The following ABR variants were observed in gnomAD, a reference collection of about 807,000 sequenced individuals.
ABR encodes active breakpoint cluster region-related protein.
ABR carries 35 observed loss-of-function variants against 107.2 expected under a neutral mutation model. The ratio of observed to expected loss-of-function variants is 0.33; its 90% CI spans 0.25 to 0.43. The LOEUF (loss-of-function observed/expected upper bound fraction) is 0.43, where lower values mean the gene tolerates loss of function less well. Among genes scored for constraint, ABR ranks in the 20% least tolerant of loss-of-function variants. The probability of loss-of-function intolerance (pLI) is 1.00; values close to 1 mark genes in which losing one functional copy is unlikely to be tolerated. For missense variants in ABR, 815 were observed against 1,115.2 expected, an observed-to-expected ratio of 0.73 and a Z score of 3.83; for synonymous variants, 498 against 462.0, an observed-to-expected ratio of 1.08 and a Z score of -1.00.
chr17:1,164,867 T>C (rs911341221), intron 1 of ABR, among the ~76,000 whole-genome samples: 2 of 152,168 alleles, frequency 1.3e-5, no homozygotes, highest in Non-Finnish European at 2.9e-5. Flanking sequence ...AAGTTCTCTC[T>C]ATGTTGCCCA....
chr17:1,203,280 G>A (rs1161970578), intron 1 of ABR, among the ~76,000 whole-genome samples: 2 of 151,622 alleles, frequency 1.3e-5, no homozygotes, highest in Non-Finnish European at 1.5e-5. Context: ...AGGCTCCCGC[G>A]CAGTCCTCAG....
At chr17:1,215,876 C>T (rs1460700011) in intron 1 of ABR, among the ~76,000 whole-genome samples, 38 of 84,766 alleles carry the variant, frequency 4.5e-4, no homozygotes, top group South Asian at 3.2e-3. Flanking sequence ...TGACCTTACC[C>T]CCAACCCCCG....
At chr17:1,041,006 T>C (rs1255261134) in intron 16 of ABR, among the ~76,000 whole-genome samples, 1 of 152,124 alleles carries the variant, frequency 6.6e-6, no homozygotes, top group Non-Finnish European at 1.5e-5. Context: ...CTCCACCTCC[T>C]GGGTCCTGGT....
intron 1 of ABR, among the ~76,000 whole-genome samples, chr17:1,204,212 A>C (rs2042744290): frequency 6.6e-6 from 1 of 152,214 alleles, no homozygotes; most frequent in Non-Finnish European, 1.5e-5. Context: ...TGGGAGGACG[A>C]GGCGGGCGGA....
At chr17:1,111,404 C>A (rs1048070874) in intron 2 of ABR, among the ~76,000 whole-genome samples, 3 of 152,136 alleles carry the variant, frequency 2.0e-5, no homozygotes, top group Admixed American at 6.5e-5. Context: ...GCCCTCGGTG[C>A]CCCCCTGGAG....
At chr17:1,124,023 C>A (rs1408442591) in intron 2 of ABR, among the ~76,000 whole-genome samples, 1 of 152,188 alleles carries the variant, frequency 6.6e-6, no homozygotes, top group Non-Finnish European at 1.5e-5. Context: ...TGGACTGCCG[C>A]TAAACTCGGC....
At chr17:1,144,194 C>T (rs905512696) in intron 1 of ABR, among the ~76,000 whole-genome samples, 5 of 152,110 alleles carry the variant, frequency 3.3e-5, no homozygotes, top group East Asian at 1.9e-4. Flanking sequence ...ATGTGCCCAC[C>T]GAACATAGAG....
Position 1,027,197 on chromosome 17 carries a change from C to T in ABR, c.1792-14033G>A, listed in dbSNP as rs1021922134. On this transcript the variant is annotated intron_variant, in intron 16 of 22. Transcript: ENST00000302538. The surrounding 1 kb of genome is among the most constrained non-coding windows in gnomAD (Gnocchi z 4.7). ...CCCTTGATTGGCAGGTTCTCCTCTC[C>T]CTGGTCCAGAGCCATCCAAAAGCTG... Among the ~76,000 whole-genome samples the T allele has an allele frequency of 6.6e-6, 1 of 152,220 alleles. No individual in the cohort carries two copies. Among genetic ancestry groups the T allele is most frequent in the Non-Finnish European group, 1.5e-5 (1 of 68,032 alleles).
In ABR at chr17:1,125,365, A is replaced by G. The variant is rs1288306903; in HGVS notation, c.64T>C (p.Phe22Leu). 1.2e-6 allele frequency: 2 copies of G among 1,612,958 alleles called. No homozygotes were observed. The highest frequency in any genetic ancestry group is 1.1e-5 in the South Asian group (1 of 91,088). ...TCGTACTCGTCCGTCCCGTAGCTGA[A>G]GTCTGAGACAAGGAACAAGAAAGGC... The part of the protein sequence containing the change: ...LSWIDTLYSN[F>L]SYGTDEYDGE... Residue 22 changes from phenylalanine to leucine, a missense_variant and splice_region_variant, in exon 2 of 23, where the codon TTC becomes CTC. Physicochemically the swap from Phe to Leu is conservative, Grantham distance 22. Transcript: ENST00000302538.
intron 1 of ABR, among the ~76,000 whole-genome samples, chr17:1,227,262 C>T (rs745441318): frequency 2.6e-5 from 4 of 152,136 alleles, no homozygotes; most frequent in Non-Finnish European, 5.9e-5. Context: ...CTGGGAAAAG[C>T]CTAGTGTACT....
Position 1,027,809 on chromosome 17 carries a change from G to A in ABR, c.1792-14645C>T, listed in dbSNP as rs1385620508. Reference sequence around the variant, plus strand: ...TTCTTCCCACCGGGAAACAAGGAAGGGCGGTGGGCAGCCGGGCCAGGCCAG... The same window carrying A: ...TTCTTCCCACCGGGAAACAAGGAAGAGCGGTGGGCAGCCGGGCCAGGCCAG... On this transcript the variant is annotated intron_variant, in intron 16 of 22. Transcript: ENST00000302538. This position sits in a 1 kb window ranked among gnomAD's most constrained non-coding sequence, Gnocchi z 4.7. Among the ~76,000 whole-genome samples, 1 of 152,046 alleles carries A rather than the reference G, an allele frequency of 6.6e-6. No individual in the cohort carries two copies. The highest frequency in any genetic ancestry group is 2.4e-5 in the African/African-American group (1 of 41,372).
intron 1 of ABR, among the ~76,000 whole-genome samples, chr17:1,217,360 A>G (rs1249236031): frequency 6.6e-6 from 1 of 152,206 alleles, no homozygotes; most frequent in East Asian, 1.9e-4. Context: ...CAACAAGATG[A>G]GCAAGATACC....
intron 2 of ABR, among the ~76,000 whole-genome samples, chr17:1,103,051 T>A (rs2038010830): frequency 6.6e-6 from 1 of 152,098 alleles, no homozygotes; most frequent in Non-Finnish European, 1.5e-5. Context: ...TAAATTTGTG[T>A]GGTTTTAAGC....
intron 6 of ABR, among the ~76,000 whole-genome samples, chr17:1,074,312 T>C (rs1003105150): frequency 1.5e-4 from 20 of 137,076 alleles, no homozygotes; most frequent in South Asian, 4.7e-4. Context: ...AGCCATGCCC[T>C]GCAGAGTCTA....
intron 14 of ABR, among the ~76,000 whole-genome samples, chr17:1,053,443 G>A (rs112691441): frequency 2.0e-5 from 3 of 151,708 alleles, no homozygotes; most frequent in Non-Finnish European, 2.9e-5. Context: ...AGCTGGGGAC[G>A]GCTCACAGGG....
At chr17:1,124,405 C>A (rs545243787) in intron 2 of ABR, among the ~76,000 whole-genome samples, 5 of 152,214 alleles carry the variant, frequency 3.3e-5, no homozygotes, top group African/African-American at 1.2e-4. Context: ...CACACACCCC[C>A]CACAGAGGAC....
intron 2 of ABR, among the ~76,000 whole-genome samples, chr17:1,120,830 T>C (rs1240081224): frequency 6.6e-6 from 1 of 152,064 alleles, no homozygotes; most frequent in Admixed American, 6.6e-5. Flanking sequence ...GGCCACACAG[T>C]GAGACAGTGG....
At chr17:1,196,744 G>C (rs1212616927) in intron 1 of ABR, among the ~76,000 whole-genome samples, 1 of 151,056 alleles carries the variant, frequency 6.6e-6, no homozygotes, top group Non-Finnish European at 1.5e-5. Flanking sequence ...GCCCAGGCTG[G>C]AGTGCAGTGG....
chr17:1,088,781 G>A (rs2036806610), intron 4 of ABR, among the ~76,000 whole-genome samples: 1 of 151,662 alleles, frequency 6.6e-6, no homozygotes, highest in South Asian at 2.1e-4. Flanking sequence ...TAGAAACGGG[G>A]TTTCACCATG....
Sources: allele counts gnomAD v4.1 joint callset (sites outside exome capture counted in the v4.1 genomes callset), GRCh38; gene constraint gnomAD v4.1.1; non-coding constraint Gnocchi (gnomAD v3.1); transcripts MANE v1.5; gene names NCBI Gene and HGNC (gene_info 2026-07-23, HGNC 2026-07-21).